The following ZCCHC4 variants were observed in gnomAD, a reference collection of about 807,000 sequenced individuals.
ZCCHC4 encodes the protein rRNA N(6)-adenosine-methyltransferase ZCCHC4.
ZCCHC4 carries 54 observed loss-of-function variants against 67.7 expected under a neutral mutation model. The observed-to-expected ratio is 0.80, with a 90% CI of 0.64 to 1.00. The LOEUF (loss-of-function observed/expected upper bound fraction) is 1.00. ZCCHC4 is among the 50% of genes least tolerant of loss of function. ZCCHC4 has a pLI of 0.00. For missense variants in ZCCHC4, 609 were observed against 617.0 expected, an observed-to-expected ratio of 0.99 and a Z score of 0.14; for synonymous variants, 198 against 213.5, an observed-to-expected ratio of 0.93 and a Z score of 0.63.
Position 25,313,071 on chromosome 4 carries a change from C to T in ZCCHC4, c.127+135C>T, listed in dbSNP as rs558814706. ...TGTGCTGCCTAGAAAATACTCCTTC[C>T]TCGGAACGCGGTGTTTTTCAACTTA... On this transcript the variant is annotated intron_variant, in intron 1 of 12. Coordinates refer to ENST00000302874, the MANE Select transcript of ZCCHC4 (RefSeq NM_024936.3). The T allele has an allele frequency of 1.5e-3, 1,947 of 1,296,234 alleles. 2 individuals carry two copies. Among genetic ancestry groups the T allele is most frequent in the Non-Finnish European group, 1.8e-3 (1,768 of 958,046 alleles). 80.3% of individuals were successfully genotyped at this position (1,296,234 alleles called of 1,614,324 possible).
intron 3 of ZCCHC4, among the ~76,000 whole-genome samples, chr4:25,316,184 T>C (rs1016176445): frequency 2.0e-5 from 3 of 152,232 alleles, no homozygotes; most frequent in African/African-American, 7.2e-5. Flanking sequence ...CTGAATAATA[T>C]CCGTTGTCTG....
intron 3 of ZCCHC4, among the ~76,000 whole-genome samples, chr4:25,324,014 G>GGTTTTTTTTTTTTTTTTT (rs777768505): frequency 5.1e-4 from 42 of 82,426 alleles, no homozygotes; most frequent in African/African-American, 9.4e-4. Context: ...TGTTTTTTGT[G>GGTTTTTTTTTTTTTTTTT]TTTTTTTTTT....
At chr4:25,350,327 C>A (rs1229468230) in intron 7 of ZCCHC4, among the ~76,000 whole-genome samples, 4 of 129,162 alleles carry the variant, frequency 3.1e-5, no homozygotes, top group Non-Finnish European at 6.2e-5. Flanking sequence ...GTGGTACAAT[C>A]TCGGCTCACT....
intron 2 of ZCCHC4, 40 bp downstream of exon 2, chr4:25,314,204 ATG>A (rs767198370): frequency 1.5e-6 from 2 of 1,356,606 alleles, no homozygotes; most frequent in East Asian, 4.6e-5. Flanking sequence ...TATTTTTGGT[ATG>A]TGTGACAATT....
intron 5 of ZCCHC4, among the ~76,000 whole-genome samples, chr4:25,341,517 A>T (rs1391358653): frequency 6.6e-6 from 1 of 152,110 alleles, no homozygotes; most frequent in Non-Finnish European, 1.5e-5. Flanking sequence ...TTCCACCATA[A>T]GTAAAAACTT....
Position 25,369,502 on chromosome 4 carries a change from C to T in ZCCHC4, c.*338C>T, listed in dbSNP as rs937028155. On this transcript the variant is annotated 3_prime_UTR_variant, in exon 13 of 13. Transcript: ENST00000302874. Reference sequence around the variant, plus strand: ...AGGCTAGAGTGCAATGGCACAACCTCAGCTCACTGCAACCTCTGCCTCCCG... The same window carrying T: ...AGGCTAGAGTGCAATGGCACAACCTTAGCTCACTGCAACCTCTGCCTCCCG... 4.7e-6 allele frequency: 1 copy of T among 213,202 alleles called. No homozygotes were observed. Among genetic ancestry groups the T allele is most frequent in the African/African-American group, 2.4e-5 (1 of 42,218 alleles). 13.2% of individuals were successfully genotyped at this position (213,202 alleles called of 1,614,324 possible). A position where few individuals can be genotyped will look rare whatever the true frequency, so the allele number is the denominator to read the frequency against.
At chr4:25,350,450 GTAGAGACAGGGTTT>G (rs1001259062) in intron 7 of ZCCHC4, among the ~76,000 whole-genome samples, 1 of 151,804 alleles carries the variant, frequency 6.6e-6, no homozygotes, top group Non-Finnish European at 1.5e-5. Context: ...TGTATTTTTA[GTAGAGACAGGGTTT>G]TGCCATGTTG....
At chr4:25,313,138 G>C (rs1238499837) in intron 1 of ZCCHC4, among the ~76,000 whole-genome samples, 2 of 152,196 alleles carry the variant, frequency 1.3e-5, no homozygotes, top group Non-Finnish European at 2.9e-5. Flanking sequence ...TTGTGGTTTT[G>C]GCTCCAGGAC....
Position 25,315,349 on chromosome 4 carries a change from C to T in ZCCHC4, c.278C>T (p.Ala93Val), listed in dbSNP as rs1166558705. Reference protein sequence around the residue: ...LSGARLAAREAHNRRCQPPLS... With the variant: ...LSGARLAAREVHNRRCQPPLS... ...GGAGCTAGACTTGCTGCCCGAGAAG[C>T]TCATAACCGAAGATGTCAGCCTCCC... The change falls in exon 3 of 13, where the codon GCT becomes GTT. Residue 93 changes from alanine to valine, a missense_variant. By Grantham distance (64) the Ala-to-Val change is moderately conservative. Coordinates refer to ENST00000302874, the MANE Select transcript of ZCCHC4 (RefSeq NM_024936.3). The T allele has an allele frequency of 6.2e-7, 1 of 1,613,066 alleles. No homozygotes were observed. The highest frequency in any genetic ancestry group is 2.2e-5 in the East Asian group (1 of 44,836).
chr4:25,316,611 A>G (rs1315933423), intron 3 of ZCCHC4, among the ~76,000 whole-genome samples: 1 of 144,898 alleles, frequency 6.9e-6, no homozygotes, highest in African/African-American at 2.5e-5. Context: ...CTGGCTATTT[A>G]TGTATGATCT....
intron 3 of ZCCHC4, among the ~76,000 whole-genome samples, chr4:25,325,429 G>A (rs921568968): frequency 6.7e-6 from 1 of 150,126 alleles, no homozygotes; most frequent in Non-Finnish European, 1.5e-5. Context: ...CACCACACCC[G>A]GCTAATTTTT....
At chr4:25,345,380 A>T (rs2109077327) in intron 5 of ZCCHC4, among the ~76,000 whole-genome samples, 168 bp from the exon 6 acceptor site, 1 of 152,272 alleles carries the variant, frequency 6.6e-6, no homozygotes, top group South Asian at 2.1e-4. Context: ...TAAGTTTGTT[A>T]TTTATTCACT....
In ZCCHC4 at chr4:25,333,343, C is replaced by G; in HGVS notation, c.490C>G (p.Leu164Val). Residue 164 changes from leucine (L) to valine (V), a missense_variant, in exon 4 of 13, where the codon CTG (leucine) becomes GTG (valine). Coordinates refer to ENST00000302874, the MANE Select transcript of ZCCHC4 (RefSeq NM_024936.3). ...LRRPSQLLYP[L>V]ENKKTNAQYL... ...AAGGCCCAGTCAACTCCTTTATCCA[C>G]TGGAAAACAAGAAGACAAATGCCCA... is the stretch of plus-strand genomic sequence containing the variant. 6.2e-7 allele frequency: 1 copy of G among 1,614,134 alleles called. No individual in the cohort carries two copies. Among genetic ancestry groups the G allele is most frequent in the South Asian group, 1.1e-5 (1 of 91,088 alleles).
chr4:25,355,838 G>C (rs1316629739), intron 8 of ZCCHC4, among the ~76,000 whole-genome samples: 5 of 152,162 alleles, frequency 3.3e-5, no homozygotes, highest in Non-Finnish European at 1.5e-5. Context: ...ATGGGATATG[G>C]GTATTATGAT....
At chr4:25,348,776 C>G (rs933799238) in intron 6 of ZCCHC4, among the ~76,000 whole-genome samples, 1 of 152,132 alleles carries the variant, frequency 6.6e-6, no homozygotes, top group African/African-American at 2.4e-5. Context: ...AAGCTACTTG[C>G]AAGTCAGTTG....
chr4:25,365,223 T>G, intron 12 of ZCCHC4, 57 bp downstream of exon 12: 2 of 1,595,168 alleles, frequency 1.3e-6, no homozygotes, highest in Non-Finnish European at 1.7e-6. Context: ...TACAGGATAA[T>G]CCACAAAAGC....
At chr4:25,346,385 A>G (rs1013178331) in intron 6 of ZCCHC4, among the ~76,000 whole-genome samples, 2 of 152,218 alleles carry the variant, frequency 1.3e-5, no homozygotes, top group African/African-American at 2.4e-5. Context: ...TAACCAACCA[A>G]GTAATCACGC....
At chr4:25,341,386 A>G (rs1467640490) in intron 5 of ZCCHC4, among the ~76,000 whole-genome samples, 4 of 152,102 alleles carry the variant, frequency 2.6e-5, no homozygotes, top group Non-Finnish European at 5.9e-5. Flanking sequence ...TAATAGAGGT[A>G]ATAAGTGAGT....
At chr4:25,335,634 C>T (rs1719421466) in intron 5 of ZCCHC4, among the ~76,000 whole-genome samples, 1 of 152,060 alleles carries the variant, frequency 6.6e-6, no homozygotes, top group Non-Finnish European at 1.5e-5. Flanking sequence ...GTGGTACGTG[C>T]CTATAGTCCC....
Sources: gnomAD v4.1 joint callset for allele counts (sites outside exome capture counted in the v4.1 genomes callset) on GRCh38, gnomAD v4.1.1 for gene constraint, MANE v1.5 for transcripts, NCBI Gene and HGNC (gene_info 2026-07-23, HGNC 2026-07-21) for gene names.